The following TJP1 variants were observed in gnomAD, a reference collection of about 807,000 sequenced individuals.
TJP1 encodes the protein tight junction protein 1.
TJP1 carries 43 observed loss-of-function variants against 194.2 expected under a neutral mutation model. The observed-to-expected ratio is 0.22, with a 90% CI of 0.17 to 0.29. TJP1 has a LOEUF of 0.29. Ranked by LOEUF, TJP1 falls within the 10% of genes least tolerant of loss-of-function variation. The pLI, the probability that TJP1 is intolerant of heterozygous loss-of-function variation, is 1.00. For missense variants in TJP1, 1,971 were observed against 2,185.7 expected (o/e 0.90, Z 1.96); for synonymous variants, 801 against 779.0 (o/e 1.03, Z -0.47).
chr15:29,721,845 G>C (rs992016459), intron 18 of TJP1, among the ~76,000 whole-genome samples: 2 of 152,220 alleles, frequency 1.3e-5, no homozygotes, highest in African/African-American at 4.8e-5. Context: ...ATTCATTCTT[G>C]CTATGCTTTA....
intron 2 of TJP1, among the ~76,000 whole-genome samples, chr15:29,949,658 AC>A (rs2055543620): frequency 9.5e-6 from 1 of 104,852 alleles, no homozygotes; most frequent in Non-Finnish European, 2.0e-5. Flanking sequence ...CACCACCTCC[AC>A]CTCCACAACC....
chr15:29,825,903 G>A (rs532024004), upstream of TJP1, among the ~76,000 whole-genome samples: 1 of 152,232 alleles, frequency 6.6e-6, no homozygotes, highest in South Asian at 2.1e-4. Flanking sequence ...TTAAATGGGG[G>A]AAAGATTCTT....
intron 2 of TJP1, among the ~76,000 whole-genome samples, chr15:29,866,461 G>A (rs762356711): frequency 2.0e-5 from 3 of 152,118 alleles, no homozygotes; most frequent in African/African-American, 7.2e-5. Context: ...ACATGGCTTT[G>A]GCAGATGCAG....
In TJP1 at chr15:29,700,494, A is replaced by C; in HGVS notation, c.*1101T>G. ...GCATGTGTCATAGAAACGCTGCTTTATTGCTGCAGAGGTCAAAGTTCAAGG... is the reference window on the plus strand; with the variant it reads ...GCATGTGTCATAGAAACGCTGCTTTCTTGCTGCAGAGGTCAAAGTTCAAGG... On this transcript the variant is annotated 3_prime_UTR_variant, in exon 28 of 28. Coordinates refer to ENST00000614355, the MANE Select transcript of TJP1 (RefSeq NM_001330239.4). 1 of 398,914 alleles carries C rather than the reference A, an allele frequency of 2.5e-6. No homozygotes were observed. The highest frequency in any genetic ancestry group is 4.4e-6 in the Non-Finnish European group (1 of 226,010). 24.7% of individuals were successfully genotyped at this position (398,914 alleles called of 1,614,324 possible). A position where few individuals can be genotyped will look rare whatever the true frequency, so the allele number is the denominator to read the frequency against.
chr15:29,730,907 G>A (rs1189653751), intron 15 of TJP1: 2 of 1,231,626 alleles, frequency 1.6e-6, no homozygotes, highest in East Asian at 2.3e-5. Flanking sequence ...CTGGCAAGGA[G>A]GGGAATAACC....
chr15:29,884,380 C>T (rs1388551651), intron 2 of TJP1, among the ~76,000 whole-genome samples: 1 of 152,036 alleles, frequency 6.6e-6, no homozygotes, highest in East Asian at 1.9e-4. Context: ...AGGGTAGAGC[C>T]CAGACATCTA....
At chr15:29,909,156 CA>C (rs1228556468) in intron 2 of TJP1, among the ~76,000 whole-genome samples, 119 of 84,028 alleles carry the variant, frequency 1.4e-3, no homozygotes, top group Middle Eastern at 7.4e-3. Flanking sequence ...GACTCCATCT[CA>C]AAAAAAAAAA....
At chr15:29,725,223 C>G (rs969393554) in intron 18 of TJP1, among the ~76,000 whole-genome samples, 6 of 152,148 alleles carry the variant, frequency 3.9e-5, no homozygotes, top group Admixed American at 2.0e-4. Flanking sequence ...TGGTCTTAGG[C>G]TCTCGTATGC....
chr15:29,867,859 C>T (rs1156330724), intron 2 of TJP1, among the ~76,000 whole-genome samples: 1 of 152,040 alleles, frequency 6.6e-6, no homozygotes, highest in Non-Finnish European at 1.5e-5. Context: ...AGTTCCAGAC[C>T]AGCCTGGACA....
At chr15:29,956,692 C>A (rs771863834) in intron 1 of TJP1, among the ~76,000 whole-genome samples, 14 of 152,164 alleles carry the variant, frequency 9.2e-5, no homozygotes, top group Middle Eastern at 3.4e-3. Context: ...CCAGCCTGGG[C>A]AATACAGGGA....
rs760707066 is a variant in TJP1, at chr15:29,737,479, C to T, written c.1257-65G>A. 445 of 1,545,354 alleles carry T rather than the reference C, an allele frequency of 2.9e-4. 1 individual carries two copies. The Middle Eastern group carries it at 4.6e-3, about 16-fold the overall frequency. On this transcript the variant is annotated intron_variant, in intron 10 of 27. Coordinates refer to ENST00000614355, the MANE Select transcript of TJP1 (RefSeq NM_001330239.4). ...GCTTAAAACGTTATAGCAATCACTA[C>T]AGTGAAAACTATATTCAGAATTAAA...
Position 29,773,271 on chromosome 15 carries a change from T to G in TJP1, c.171A>C (p.Ser57=). 1 of 1,614,070 alleles carries G rather than the reference T, an allele frequency of 6.2e-7. No individual in the cohort carries two copies. The highest frequency in any genetic ancestry group is 1.1e-5 in the South Asian group (1 of 91,076). The change falls in exon 3 of 28, where the codon TCA becomes TCC. Residue 57 remains serine, a synonymous_variant. Coordinates refer to ENST00000614355, the MANE Select transcript of TJP1 (RefSeq NM_001330239.4). ...FQSGETSIVI[S]DVLKGGPAEG... ...CAGCTGGTCCTCCTTTCAGCACATC[T>G]GAAATCACTATTGACGTTTCCCCAC...
At position 29,742,720 on chromosome 15, in the gene TJP1, G is replaced by A; in HGVS notation, c.1072C>T (p.His358Tyr). Residue 358 changes from histidine (H) to tyrosine (Y), a missense_variant, in exon 9 of 28, where the codon CAT (histidine) becomes TAT (tyrosine). Around this residue, in one of 5 missense-constraint regions of TJP1, gnomAD observed 192 missense variants for 182.3 expected, o/e 1.05. Coordinates refer to ENST00000614355, the MANE Select transcript of TJP1 (RefSeq NM_001330239.4). ...KPGAVSTPVK[H>Y]ADDHTPKTVE... is the part of the protein sequence containing the mutation. ...GTTTTAGGTGTGTGATCATCAGCAT[G>A]CTTTACAGGAGTTGAGACAGCCCCA... 6.2e-7 allele frequency: 1 copy of A among 1,608,516 alleles called. No individual in the cohort carries two copies. The highest frequency in any genetic ancestry group is 8.5e-7 in the Non-Finnish European group (1 of 1,177,808).
Position 29,839,682 on chromosome 15 carries a change from A to G in TJP1, c.307-38980T>C, listed in dbSNP as rs541150723. On this transcript the variant is annotated intron_variant, in intron 2 of 28. Transcript: ENST00000356107. Reference sequence around the variant, plus strand: ...AAAATAACAAGAAAAATATTATACGAAAACCGTGAAACTGTTATGAACATT... The same window carrying G: ...AAAATAACAAGAAAAATATTATACGGAAACCGTGAAACTGTTATGAACATT... 1.2e-4 allele frequency among the ~76,000 whole-genome samples: 19 copies of G among 152,328 alleles called. 1 individual carries two copies. The South Asian group carries it at 3.5e-3, about 28-fold the overall frequency.
intron 2 of TJP1, among the ~76,000 whole-genome samples, chr15:29,904,661 CT>C (rs2053747725): frequency 1.3e-5 from 2 of 152,016 alleles, no homozygotes; most frequent in Admixed American, 1.3e-4. Context: ...ATGCTTTCCC[CT>C]GTCTTATTAG....
At position 29,732,355 on chromosome 15, in the gene TJP1, T is replaced by C. The variant is rs971238553; in HGVS notation, c.2017+78A>G. The C allele has an allele frequency of 3.3e-6, 4 of 1,215,688 alleles. No individual in the cohort carries two copies. In the South Asian group the frequency reaches 5.5e-5, roughly 17 times the overall value. 75.3% of individuals were successfully genotyped at this position (1,215,688 alleles called of 1,614,324 possible). On this transcript the variant is annotated intron_variant, in intron 15 of 27. Coordinates refer to ENST00000614355, the MANE Select transcript of TJP1 (RefSeq NM_001330239.4). ...CACTGACAAAAAGTCTTATTTTTAT[T>C]GAATGAGTGAATCAGAACTCACTCA...
chr15:29,838,139 A>G (rs961239043), intron 2 of TJP1, among the ~76,000 whole-genome samples: 2 of 152,134 alleles, frequency 1.3e-5, no homozygotes, highest in African/African-American at 4.8e-5. Flanking sequence ...ATTAACAAGA[A>G]GTTGGCCAGG....
chr15:29,718,392 T>C lies in TJP1; in HGVS notation c.3750A>G (p.Gln1250=). The change falls in exon 21 of 28, where the codon CAA becomes CAG. Residue 1250 remains glutamine (Q), a synonymous_variant. Transcript: ENST00000614355. Reference sequence around the variant, plus strand: ...TTGCTGGATCTTCCTCTTCTTCGGTTTGAGTTGGGGGTGGAGGCAGTGGTT... The same window carrying C: ...TTGCTGGATCTTCCTCTTCTTCGGTCTGAGTTGGGGGTGGAGGCAGTGGTT... ...NTKPLPPPPT[Q]TEEEEDPAMK... is the part of the protein sequence containing the mutation. 6.2e-7 allele frequency: 1 copy of C among 1,614,032 alleles called. No homozygotes were observed. Among genetic ancestry groups the C allele is most frequent in the Non-Finnish European group, 8.5e-7 (1 of 1,179,984 alleles).
chr15:29,774,566 AC>A (rs2046895434), intron 2 of TJP1, among the ~76,000 whole-genome samples: 1 of 152,124 alleles, frequency 6.6e-6, no homozygotes, highest in South Asian at 2.1e-4. Context: ...ATCTATAAAG[AC>A]AAAAACCTGA....
Sources: allele counts gnomAD v4.1 joint callset (sites outside exome capture counted in the v4.1 genomes callset), GRCh38; gene constraint gnomAD v4.1.1; regional missense constraint gnomAD v4.1.1; transcripts MANE v1.5; gene names NCBI Gene and HGNC (gene_info 2026-07-23, HGNC 2026-07-21).